The following FAT2 variants were observed in gnomAD, a reference collection of about 807,000 sequenced individuals.
FAT2 encodes the protein FAT atypical cadherin 2.
FAT2 carries 150 observed loss-of-function variants against 295.3 expected under a neutral mutation model. That is an observed-to-expected ratio of 0.51 (90% CI 0.44 to 0.58). The LOEUF is 0.58. Ranked by LOEUF, FAT2 falls within the 20% of genes least tolerant of loss-of-function variation. The pLI is 0.00. For missense variants in FAT2, 4,868 were observed against 5,442.7 expected, an observed-to-expected ratio of 0.89 and a Z score of 3.32; for synonymous variants, 2,026 against 2,150.3, an observed-to-expected ratio of 0.94 and a Z score of 1.60.
chr5:151,585,423 AC>A (rs1435198096), intron 1 of FAT2, among the ~76,000 whole-genome samples: 1 of 152,102 alleles, frequency 6.6e-6, no homozygotes, highest in East Asian at 1.9e-4. Flanking sequence ...GACCAGCCCG[AC>A]CAACATGGTG....
chr5:151,517,557 T>TCACC, intron 20 of FAT2, 63 bp downstream of exon 20: 2 of 1,598,920 alleles, frequency 1.3e-6, no homozygotes, highest in Non-Finnish European at 1.7e-6. Flanking sequence ...TCCTCATGCC[T>TCACC]CACCCCCTAC....
intron 20 of FAT2, among the ~76,000 whole-genome samples, chr5:151,516,926 C>T (rs1752930541): frequency 1.3e-5 from 2 of 151,876 alleles, no homozygotes; most frequent in African/African-American, 4.8e-5. Context: ...GCCAACATGG[C>T]AAAACCCCAT....
chr5:151,563,233 T>G, intron 3 of FAT2, 92 bp downstream of exon 3: 2 of 1,234,056 alleles, frequency 1.6e-6, no homozygotes, highest in East Asian at 2.3e-5. Flanking sequence ...AATTTCCAAG[T>G]TCACAGTAAT....
intron 14 of FAT2, among the ~76,000 whole-genome samples, chr5:151,530,204 A>G (rs1022594437): frequency 6.6e-6 from 1 of 152,028 alleles, no homozygotes; most frequent in African/African-American, 2.4e-5. Context: ...TTCATATATA[A>G]TGGATCAGGT....
At chr5:151,546,409 A>T (rs1261880082) in intron 9 of FAT2, 72 bp from the exon 10 acceptor site, 16 of 1,188,018 alleles carry the variant, frequency 1.3e-5, no homozygotes, top group Admixed American at 4.3e-5. Context: ...CTAGATCAGT[A>T]AAGGGTCTAT....
At chr5:151,529,486 C>T (rs1754363014) in intron 14 of FAT2, 94 bp from the exon 15 acceptor site, 2 of 1,043,698 alleles carry the variant, frequency 1.9e-6, no homozygotes, top group East Asian at 2.4e-5. Context: ...AGAGGCAGCT[C>T]AACAGGGCTA....
intron 23 of FAT2, among the ~76,000 whole-genome samples, chr5:151,506,388 C>T (rs1050953287): frequency 6.6e-6 from 1 of 152,232 alleles, no homozygotes; most frequent in Non-Finnish European, 1.5e-5. Flanking sequence ...CCCACCCCCA[C>T]AGCTGGATAC....
At chr5:151,509,929 C>G in intron 22 of FAT2, 92 bp downstream of exon 22, 1 of 1,445,588 alleles carries the variant, frequency 6.9e-7, no homozygotes, top group Non-Finnish European at 9.5e-7. Context: ...GCAGCACTCT[C>G]CCCTGGCCTC....
rs9324700 is a variant in FAT2 at position 151,566,875 on chromosome 5, A to G, written c.2057T>C (p.Phe686Ser). The G allele has an allele frequency of 0.5, 813,074 of 1,613,610 alleles. 208,206 individuals are homozygous for G. Among genetic ancestry groups the G allele is most frequent in the Non-Finnish European group, 0.53 (624,071 of 1,179,736 alleles). ...GGACTCCTGGTTCTGAAGCCCAATAAAGTGGAGGATAGTCTTTGTGAATTG... is the reference window on the plus strand; with the variant it reads ...GGACTCCTGGTTCTGAAGCCCAATAGAGTGGAGGATAGTCTTTGTGAATTG... Reference protein sequence around the residue: ...LTQFTKTILHFIGLQNQESSD... With the variant: ...LTQFTKTILHSIGLQNQESSD... Residue 686 changes from phenylalanine (F) to serine (S), a missense_variant, in exon 2 of 24, where the codon TTT becomes TCT. Physicochemically the swap from Phe to Ser is radical, Grantham distance 155 (BLOSUM62 -2). Around this residue, in one of 5 missense-constraint regions of FAT2, gnomAD observed 3,297 missense variants for 3,669.4 expected, o/e 0.90. Coordinates refer to ENST00000261800, the MANE Select transcript of FAT2 (RefSeq NM_001447.3).
rs374896301 is a variant in FAT2, at chr5:151,545,379, A to C, written c.5748T>G (p.Val1916=). Residue 1916 remains valine (V), a synonymous_variant, in exon 10 of 24, where the codon GTT becomes GTG. Coordinates refer to ENST00000261800, the MANE Select transcript of FAT2 (RefSeq NM_001447.3). ...SIKTGNADEA[V]TIHPVTGSIS... is the part of the protein sequence containing the mutation. ...TGCTACCAGTGACAGGATGGATGGTAACAGCTTCATCAGCATTGCCAGTTT... is the reference window on the plus strand; with the variant it reads ...TGCTACCAGTGACAGGATGGATGGTCACAGCTTCATCAGCATTGCCAGTTT... 1.1e-5 allele frequency: 18 copies of C among 1,614,066 alleles called. No individual in the cohort carries two copies. The highest frequency in any genetic ancestry group is 1.5e-5 in the Non-Finnish European group (18 of 1,180,036).
intron 9 of FAT2, among the ~76,000 whole-genome samples, chr5:151,549,061 T>C (rs1229872841): frequency 6.6e-6 from 1 of 152,332 alleles, no homozygotes; most frequent in East Asian, 1.9e-4. Flanking sequence ...ATATAATATA[T>C]ATGCAAATTC....
Position 151,545,165 on chromosome 5 carries a change from C to T in FAT2, c.5962G>A (p.Val1988Met), listed in dbSNP as rs769614959. The T allele has an allele frequency of 9.3e-6, 15 of 1,614,106 alleles. No individual in the cohort carries two copies. In the East Asian group the frequency reaches 2.7e-4, roughly 29 times the overall value. The change falls in exon 10 of 24, where the codon GTG becomes ATG. Residue 1988 changes from valine to methionine, a missense_variant. By Grantham distance (21) the Val-to-Met change is conservative. Coordinates refer to ENST00000261800, the MANE Select transcript of FAT2 (RefSeq NM_001447.3). ...KENLQDRKAL[V>M]ILGAQGNHLN... ...TGATTGCCCTGGGCACCAAGAATCA[C>T]CAGTGCCTTTCTGTCCTGCAAGTTC...
intron 6 of FAT2, 93 bp from the exon 7 acceptor site, chr5:151,551,699 G>A (rs1187372277): frequency 9.5e-6 from 13 of 1,367,872 alleles, no homozygotes; most frequent in East Asian, 2.3e-5. Context: ...CAGAGGACAC[G>A]GTGGTAAATT....
At position 151,568,398 on chromosome 5, in the gene FAT2, G is replaced by T. The variant is rs759682816; in HGVS notation, c.534C>A (p.Gly178=). The T allele has an allele frequency of 3.9e-5, 63 of 1,614,170 alleles. No homozygotes were observed. The highest frequency in any genetic ancestry group is 5.0e-5 in the Non-Finnish European group (59 of 1,180,030). The change falls in exon 2 of 24, where the codon GGC becomes GGA. Residue 178 remains glycine (G), a synonymous_variant. Transcript: ENST00000261800. ...AGGCATAATAGAACTCAGCATTCTG[G>T]CCTAGATCAGCATCTGTGGCAGTCA... ...CKVTATDADL[G]QNAEFYYAFN...
At position 151,505,210 on chromosome 5, in the gene FAT2, A is replaced by G; in HGVS notation, c.*355T>C. On this transcript the variant is annotated 3_prime_UTR_variant, in exon 24 of 24. Coordinates refer to ENST00000261800, the MANE Select transcript of FAT2 (RefSeq NM_001447.3). ...ATGAGAATGCATCTTGGTGAAGTTG[A>G]GCCAGCACAGTCAATCAGGCTCTGC... is the stretch of plus-strand genomic sequence containing the variant. 1 of 367,920 alleles carries G rather than the reference A, an allele frequency of 2.7e-6. No individual in the cohort carries two copies. Among genetic ancestry groups the G allele is most frequent in the Non-Finnish European group, 5.0e-6 (1 of 200,156 alleles). The allele number at this position is 367,920 out of a possible 1,614,324, so 22.8% of individuals were successfully genotyped here.
chr5:151,514,350 G>A (rs114055760), intron 20 of FAT2, among the ~76,000 whole-genome samples: 3,904 of 152,216 alleles, frequency 0.026, 188 homozygotes, highest in African/African-American at 0.09. Flanking sequence ...CCTCTGTAAT[G>A]TCCTCGTTCC....
At position 151,545,509 on chromosome 5, in the gene FAT2, G is replaced by A. The variant is rs1244486268; in HGVS notation, c.5618C>T (p.Ser1873Leu). ...RDVNDSPPRF[S>L]EQIYEVAIVG... The stretch of plus-strand genomic sequence containing the variant: ...TATTGCTACCTCATATATCTGTTCT[G>A]AGAATCTGGGAGGGGAATCATTCAC... The change falls in exon 10 of 24, where the codon TCA becomes TTA. Residue 1873 changes from serine (S) to leucine (L), a missense_variant. Physicochemically the swap from Ser to Leu is moderately radical, Grantham distance 145. Coordinates refer to ENST00000261800, the MANE Select transcript of FAT2 (RefSeq NM_001447.3). The A allele has an allele frequency of 3.1e-6, 5 of 1,614,046 alleles. No individual in the cohort carries two copies. Among genetic ancestry groups the A allele is most frequent in the Non-Finnish European group, 4.2e-6 (5 of 1,180,036 alleles).
chr5:151,557,870 C>T (rs1018232068), intron 3 of FAT2, among the ~76,000 whole-genome samples: 6 of 152,116 alleles, frequency 3.9e-5, no homozygotes, highest in East Asian at 1.9e-4. Context: ...CCAGGAAGGA[C>T]GCTACCTCCT....
rs774527945 is a variant in FAT2, at chr5:151,567,479, G to T, written c.1453C>A (p.Arg485=). Reference sequence around the variant, plus strand: ...ACATATCCATTTTCCCCATGATCCCGGTCAGTGGCAGTCACAGCCAAAACA... The same window carrying T: ...ACATATCCATTTTCCCCATGATCCCTGTCAGTGGCAGTCACAGCCAAAACA... The part of the protein sequence containing the change: ...TSVLAVTATD[R]DHGENGYVTY... The change falls in exon 2 of 24, where the codon CGG becomes AGG. Residue 485 remains arginine, a synonymous_variant. Coordinates refer to ENST00000261800, the MANE Select transcript of FAT2 (RefSeq NM_001447.3). 1 of 1,614,084 alleles carries T rather than the reference G, an allele frequency of 6.2e-7. No homozygotes were observed. Among genetic ancestry groups the T allele is most frequent in the South Asian group, 1.1e-5 (1 of 91,054 alleles).
Sources: allele counts gnomAD v4.1 joint callset (sites outside exome capture counted in the v4.1 genomes callset), GRCh38; gene constraint gnomAD v4.1.1; regional missense constraint gnomAD v4.1.1; transcripts MANE v1.5; gene names NCBI Gene and HGNC (gene_info 2026-07-23, HGNC 2026-07-21).